The following CCNB3 variants were observed in gnomAD, a reference collection of about 807,000 sequenced individuals.
The protein encoded by CCNB3 is G2/mitotic-specific cyclin-B3.
Under a neutral mutation model 68.0 loss-of-function variants are expected in CCNB3, and 12 were observed. That is an observed-to-expected ratio of 0.18 (90% CI 0.11 to 0.29). The LOEUF is 0.29. Among genes scored for constraint, CCNB3 ranks in the 10% least tolerant of loss-of-function variants. The pLI, the probability that CCNB3 is intolerant of heterozygous loss-of-function variation, is 1.00. For missense variants in CCNB3, 904 were observed against 993.1 expected, an observed-to-expected ratio of 0.91 and a Z score of 1.21; for synonymous variants, 354 against 388.9, an observed-to-expected ratio of 0.91 and a Z score of 1.06.
chrX:50,213,327 T>C (rs1212267416), intron 1 of CCNB3, among the ~76,000 whole-genome samples: 5 of 112,462 alleles, frequency 4.4e-5, no homozygotes, highest in Non-Finnish European at 7.5e-5. Flanking sequence ...TTTTTCAAAC[T>C]AGCCTTGCAT....
Position 50,311,337 on chromosome X carries a change from C to G in CCNB3, c.3168C>G (p.Ser1056Arg), listed in dbSNP as rs201975494. Residue 1056 changes from serine to arginine, a missense_variant, in exon 6 of 13, where the codon AGC (serine) becomes AGG (arginine). Physicochemically the swap from Ser to Arg is moderately radical, Grantham distance 110. Transcript: ENST00000376042. The part of the protein sequence containing the change: ...ETFLIPQIGT[S>R]PYVFSTTPES... ...TCTTGATCCCCCAAATTGGAACCAG[C>G]CCATATGTGTTTAGCACCACCCCTG... The G allele has an allele frequency of 8.3e-7, 1 of 1,209,284 alleles. No individual in the cohort carries two copies. Among genetic ancestry groups the G allele is most frequent in the Non-Finnish European group, 1.1e-6 (1 of 895,013 alleles).
At chrX:50,295,462 C>T (rs1936436536) in intron 5 of CCNB3, among the ~76,000 whole-genome samples, 1 of 111,400 alleles carries the variant, frequency 9.0e-6, no homozygotes, top group African/African-American at 3.3e-5. Context: ...TTACAGGTAC[C>T]GTTCACAGGT....
chrX:50,226,166 C>T (rs1168585351), intron 1 of CCNB3, among the ~76,000 whole-genome samples: 1 of 50,504 alleles, frequency 2.0e-5, no homozygotes, highest in Non-Finnish European at 3.5e-5. Flanking sequence ...GAATATATAT[C>T]GAATATACAT....
chrX:50,292,809 C>T (rs1341779058), intron 4 of CCNB3, among the ~76,000 whole-genome samples: 1 of 111,295 alleles, frequency 9.0e-6, no homozygotes, highest in Non-Finnish European at 1.9e-5. Flanking sequence ...GACACACTCT[C>T]ATAATTTTTT....
At chrX:50,279,973 A>G (rs1170166926) in intron 1 of CCNB3, among the ~76,000 whole-genome samples, 1 of 86,507 alleles carries the variant, frequency 1.2e-5, no homozygotes. Context: ...TATATATATA[A>G]TATATGTAGA....
intron 1 of CCNB3, among the ~76,000 whole-genome samples, chrX:50,279,429 T>C (rs1281916213): frequency 2.7e-5 from 2 of 73,419 alleles, no homozygotes; most frequent in Admixed American, 3.8e-4. Context: ...TATAAATATA[T>C]ATAAATATAT....
chrX:50,285,136 GGACAA>G lies in CCNB3; in HGVS notation c.-24_-20del, dbSNP rs1361865528. 1 of 1,096,382 alleles carries G rather than the reference GGACAA, an allele frequency of 9.1e-7. No individual in the cohort carries two copies. Among genetic ancestry groups the G allele is most frequent in the South Asian group, 1.8e-5 (1 of 54,400 alleles). The allele number at this position is 1,096,382 out of a possible 1,213,427, so 90.4% of individuals were successfully genotyped here. On this transcript the variant is annotated 5_prime_UTR_variant, in exon 3 of 13. Transcript: ENST00000376042. ...CTCTTTCTGATTACAGCCCTGCCTT[GGACAA>G]GACGCAGCTGAATCTCTAAGTGATG...
chrX:50,216,564 G>A (rs1048728870), intron 1 of CCNB3, among the ~76,000 whole-genome samples: 3 of 111,332 alleles, frequency 2.7e-5, no homozygotes, highest in Admixed American at 9.5e-5. Flanking sequence ...CACTGTGTCC[G>A]GCCTGGGGTG....
intron 8 of CCNB3, among the ~76,000 whole-genome samples, chrX:50,327,121 A>G (rs1297297705): frequency 1.8e-5 from 2 of 112,255 alleles, no homozygotes; most frequent in Non-Finnish European, 3.8e-5. Flanking sequence ...CTTCTTGTCC[A>G]TATTTGTTGT....
intron 8 of CCNB3, among the ~76,000 whole-genome samples, chrX:50,326,222 A>G (rs1602237721): frequency 9.0e-6 from 1 of 111,500 alleles, no homozygotes; most frequent in East Asian, 2.8e-4. Context: ...TAATTTGCAT[A>G]TTTTAGTTCA....
chrX:50,210,353 G>A (rs1277095472), intron 1 of CCNB3, among the ~76,000 whole-genome samples: 1 of 111,813 alleles, frequency 8.9e-6, no homozygotes, highest in African/African-American at 3.3e-5. Flanking sequence ...CCAGCTAAGG[G>A]AAAAATATGT....
At chrX:50,207,594 A>G (rs1422624607) in intron 1 of CCNB3, among the ~76,000 whole-genome samples, 1 of 111,833 alleles carries the variant, frequency 8.9e-6, no homozygotes, top group Admixed American at 9.5e-5. Flanking sequence ...GTCAAGGCCA[A>G]AAACATTGGG....
chrX:50,325,894 T>TTTTTTA (rs1341488516), intron 8 of CCNB3, among the ~76,000 whole-genome samples: 2 of 111,634 alleles, frequency 1.8e-5, no homozygotes, highest in Non-Finnish European at 3.8e-5. Flanking sequence ...GTCTCATCAC[T>TTTTTTA]TTTTTAAAGT....
chrX:50,337,317 C>T (rs1321028922), intron 8 of CCNB3, among the ~76,000 whole-genome samples: 1 of 110,710 alleles, frequency 9.0e-6, no homozygotes, highest in East Asian at 2.9e-4. Context: ...ATGATTCTTC[C>T]GGTGTTGGCT....
At chrX:50,279,580 A>G (rs1297696262) in intron 1 of CCNB3, among the ~76,000 whole-genome samples, 2,822 of 87,788 alleles carry the variant, frequency 0.032, 150 homozygotes, top group African/African-American at 0.11. Flanking sequence ...TTCTATATAT[A>G]AATATATATT....
chrX:50,310,568 A>G lies in CCNB3; in HGVS notation c.2399A>G (p.Lys800Arg). The G allele has an allele frequency of 8.3e-7, 1 of 1,211,847 alleles. No individual in the cohort carries two copies. The highest frequency in any genetic ancestry group is 1.1e-6 in the Non-Finnish European group (1 of 895,540). ...GCGGAGGGGGAGACCCTCTTCAAGA[A>G]GCTTTTGGCCATGCAGGAGGAGCCC... ...SIAEGETLFK[K>R]LLAMQEEPSI... The change falls in exon 6 of 13, where the codon AAG becomes AGG. Residue 800 changes from lysine to arginine, a missense_variant. Coordinates refer to ENST00000376042, the MANE Select transcript of CCNB3 (RefSeq NM_033031.3).
intron 1 of CCNB3, among the ~76,000 whole-genome samples, chrX:50,216,560 G>A (rs1935576530): frequency 9.0e-6 from 1 of 111,524 alleles, no homozygotes; most frequent in African/African-American, 3.3e-5. Flanking sequence ...GAGCCACTGT[G>A]TCCGGCCTGG....
chrX:50,226,893 T>TATATATATAGA (rs1935847043), intron 1 of CCNB3, among the ~76,000 whole-genome samples: 13 of 46,976 alleles, frequency 2.8e-4, no homozygotes, highest in African/African-American at 1.5e-3. Flanking sequence ...GAATATATAG[T>TATATATATAGA]ATATATATAG....
At chrX:50,217,516 C>T (rs1202904853) in intron 1 of CCNB3, among the ~76,000 whole-genome samples, 1 of 110,659 alleles carries the variant, frequency 9.0e-6, no homozygotes, top group Non-Finnish European at 1.9e-5. Context: ...TCGTGATCTG[C>T]CCACCTTGGC....
Sources: allele counts gnomAD v4.1 joint callset (sites outside exome capture counted in the v4.1 genomes callset), GRCh38; gene constraint gnomAD v4.1.1; transcripts MANE v1.5; gene names NCBI Gene and HGNC (gene_info 2026-07-23, HGNC 2026-07-21).